Variants in CHN1 observed in about 807,000 individuals in gnomAD.
The protein encoded by CHN1 is chimerin 1, also known as N-chimaerin.
Under a neutral mutation model 59.5 loss-of-function variants are expected in CHN1, and 37 were observed. The ratio of observed to expected loss-of-function variants is 0.62; its 90% CI spans 0.48 to 0.82. The LOEUF is 0.82. Ranked by LOEUF, CHN1 falls within the 40% of genes least tolerant of loss-of-function variation. The pLI, the probability that CHN1 is intolerant of heterozygous loss-of-function variation, is 0.00. For missense variants in CHN1, 469 were observed against 571.0 expected, an observed-to-expected ratio of 0.82 and a Z score of 1.82; for synonymous variants, 206 against 200.4, an observed-to-expected ratio of 1.03 and a Z score of -0.24.
chr2:174,875,877 A>G, intron 6 of CHN1: 1 of 975,884 alleles, frequency 1.0e-6, no homozygotes, highest in Non-Finnish European at 1.2e-6. Flanking sequence ...TGTAAATAAA[A>G]TAAATCTATT....
intron 7 of CHN1, among the ~76,000 whole-genome samples, chr2:174,844,416 C>T (rs542702073): frequency 1.9e-4 from 29 of 152,152 alleles, no homozygotes; most frequent in African/African-American, 4.3e-4. Context: ...GACAGCTGTT[C>T]GATTCCACAG....
intron 1 of CHN1, among the ~76,000 whole-genome samples, chr2:174,970,430 G>A (rs1002557849): frequency 1.3e-5 from 2 of 152,194 alleles, no homozygotes; most frequent in African/African-American, 4.8e-5. Context: ...TTTACTGCCA[G>A]TCACAAAAAT....
intron 10 of CHN1, chr2:174,810,798 C>T (rs2105382012): frequency 6.6e-6 from 1 of 152,338 alleles, no homozygotes; most frequent in East Asian, 1.9e-4. Context: ...AGAATACGTA[C>T]TTGCAAAGGA....
intron 2 of CHN1, among the ~76,000 whole-genome samples, chr2:174,946,464 A>C (rs1278338543): frequency 6.6e-6 from 1 of 152,200 alleles, no homozygotes; most frequent in Non-Finnish European, 1.5e-5. Flanking sequence ...CTACTGGTAG[A>C]AATGTATTCC....
At chr2:174,905,577 T>C (rs1239919686) in intron 5 of CHN1, among the ~76,000 whole-genome samples, 1 of 152,108 alleles carries the variant, frequency 6.6e-6, no homozygotes, top group Non-Finnish European at 1.5e-5. Context: ...TTTTTTTTTT[T>C]TCTCTGAGAC....
At chr2:174,943,013 G>GGACTCTAGCCTGGGAGATAAAGCAA (rs1341029629) in intron 3 of CHN1, among the ~76,000 whole-genome samples, 1 of 151,106 alleles carries the variant, frequency 6.6e-6, no homozygotes, top group Non-Finnish European at 1.5e-5. Flanking sequence ...TCACACCACT[G>GGACTCTAGCCTGGGAGATAAAGCAA]GACTCTAGCC....
At chr2:174,942,444 T>C (rs1432602709) in intron 3 of CHN1, among the ~76,000 whole-genome samples, 1 of 152,092 alleles carries the variant, frequency 6.6e-6, no homozygotes, top group Non-Finnish European at 1.5e-5. Context: ...CATTCATATG[T>C]GGGAGCTAAA....
chr2:174,950,709 A>C (rs924925778), intron 2 of CHN1, among the ~76,000 whole-genome samples: 1 of 152,170 alleles, frequency 6.6e-6, no homozygotes, highest in African/African-American at 2.4e-5. Flanking sequence ...TTCTTACATT[A>C]AAAATGTGCA....
At chr2:174,800,421 C>T (rs948509787) in intron 12 of CHN1, 134 bp from the exon 13 acceptor site, 1 of 583,022 alleles carries the variant, frequency 1.7e-6, no homozygotes, top group Non-Finnish European at 2.7e-6. Flanking sequence ...GGTTATTTCT[C>T]TGTAATTTCA....
At chr2:174,967,309 C>T (rs972034304) in intron 1 of CHN1, among the ~76,000 whole-genome samples, 11 of 152,032 alleles carry the variant, frequency 7.2e-5, no homozygotes, top group Middle Eastern at 3.2e-3. Context: ...GGAGCCCAGA[C>T]GACATCATTG....
chr2:174,927,910 T>C (rs373995332), intron 3 of CHN1, among the ~76,000 whole-genome samples: 8 of 152,152 alleles, frequency 5.3e-5, no homozygotes, highest in South Asian at 4.1e-4. Context: ...ACTGGCAAAA[T>C]AGTACTTTTT....
At chr2:174,813,135 C>T (rs1685130405) in intron 8 of CHN1, among the ~76,000 whole-genome samples, 3 of 152,256 alleles carry the variant, frequency 2.0e-5, no homozygotes, top group Admixed American at 6.5e-5. Context: ...CTCTATGAAA[C>T]GGGTACTTTT....
At chr2:174,838,794 C>T (rs1477089157) in intron 7 of CHN1, among the ~76,000 whole-genome samples, 1 of 151,978 alleles carries the variant, frequency 6.6e-6, no homozygotes. Context: ...GTGGGCAGAT[C>T]ACCTGAGGTC....
chr2:174,997,307 T>G (rs1261698095), intron 1 of CHN1, among the ~76,000 whole-genome samples: 1 of 152,198 alleles, frequency 6.6e-6, no homozygotes, highest in African/African-American at 2.4e-5. Flanking sequence ...CTTTTGCTTA[T>G]GACATCACCT....
rs185805431 is a variant in CHN1 at position 174,891,513 on chromosome 2, G to A, written c.261-13385C>T. ...AAACCCGGGAGGTGGAAGTTGCAGT[G>A]AGCCGAGATCATGCCATTGCATTCC... On this transcript the variant is annotated intron_variant, in intron 5 of 12. Transcript: ENST00000409900. 2.1e-3 allele frequency among the ~76,000 whole-genome samples: 318 copies of A among 150,822 alleles called. 4 individuals carry two copies. Among genetic ancestry groups the A allele is most frequent in the African/African-American group, 6.8e-3 (281 of 41,028 alleles).
chr2:174,853,780 T>A (rs770765706), intron 6 of CHN1, among the ~76,000 whole-genome samples: 16 of 152,276 alleles, frequency 1.1e-4, no homozygotes, highest in Admixed American at 3.3e-4. Flanking sequence ...AAAAACATCA[T>A]GTCCTTTGCA....
At chr2:174,889,872 TAAATA>T (rs1307458206) in intron 5 of CHN1, among the ~76,000 whole-genome samples, 2 of 150,642 alleles carry the variant, frequency 1.3e-5, no homozygotes, top group Non-Finnish European at 2.9e-5. Context: ...CTAACCAGAA[TAAATA>T]AATATGTGTG....
Position 174,858,434 on chromosome 2 carries a change from G to A in CHN1, c.550-11477C>T, listed in dbSNP as rs144047595. Among the ~76,000 whole-genome samples the A allele has an allele frequency of 7.7e-4, 117 of 152,112 alleles. 1 individual carries two copies. In the East Asian group the frequency reaches 0.022, roughly 28 times the overall value. On this transcript the variant is annotated intron_variant, in intron 6 of 12. Coordinates refer to ENST00000409900, the MANE Select transcript of CHN1 (RefSeq NM_001822.7). ...GTGGCCTGAAGACAAAAGATTTAACGTTTATAAACAATTACCCTGGGAAGA... is the reference window on the plus strand; with the variant it reads ...GTGGCCTGAAGACAAAAGATTTAACATTTATAAACAATTACCCTGGGAAGA...
chr2:174,954,512 A>T (rs921541791), intron 1 of CHN1, among the ~76,000 whole-genome samples: 1 of 152,194 alleles, frequency 6.6e-6, no homozygotes, highest in African/African-American at 2.4e-5. Flanking sequence ...CAGACAACCC[A>T]CAGAATAGGA....
Sources: gnomAD v4.1 joint callset for allele counts (sites outside exome capture counted in the v4.1 genomes callset) on GRCh38, gnomAD v4.1.1 for gene constraint, MANE v1.5 for transcripts, NCBI Gene and HGNC (gene_info 2026-07-23, HGNC 2026-07-21) for gene names.